The following JAKMIP2 variants were observed in gnomAD, a reference collection of about 807,000 sequenced individuals.
JAKMIP2 encodes the protein janus kinase and microtubule interacting protein 2, also known as janus kinase and microtubule-interacting protein 2.
JAKMIP2 carries 25 observed loss-of-function variants against 115.0 expected under a neutral mutation model. The ratio of observed to expected loss-of-function variants is 0.22; its 90% confidence interval spans 0.16 to 0.30. The LOEUF is 0.30. Among genes scored for constraint, JAKMIP2 ranks in the 10% least tolerant of loss-of-function variants. The pLI is 1.00. For missense variants in JAKMIP2, 642 were observed against 957.6 expected (o/e 0.67, Z 4.35); for synonymous variants, 334 against 343.6 (o/e 0.97, Z 0.31).
rs537032924 is a variant in JAKMIP2 at position 147,587,089 on chromosome 5, T to C, written c.*4618A>G. 6.6e-6 allele frequency: 1 copy of C among 152,284 alleles called. No individual in the cohort carries two copies. The highest frequency in any genetic ancestry group is 2.4e-5 in the African/African-American group (1 of 41,560). 9.4% of individuals were successfully genotyped at this position (152,284 alleles called of 1,614,324 possible). A position where few individuals can be genotyped will look rare whatever the true frequency, so the allele number is the denominator to read the frequency against. ...ATATGCCTGAAATTAGATCTCAAGA[T>C]ACTACATTATATAGAAATGACAAGG... On this transcript the variant is annotated 3_prime_UTR_variant, in exon 22 of 22. Coordinates refer to ENST00000616793, the MANE Select transcript of JAKMIP2 (RefSeq NM_001270941.2).
intron 21 of JAKMIP2, among the ~76,000 whole-genome samples, chr5:147,592,090 G>T (rs565689573): frequency 1.3e-5 from 2 of 152,242 alleles, no homozygotes; most frequent in East Asian, 3.9e-4. Context: ...AAATGTGCAG[G>T]TTGGTTACAT....
intron 1 of JAKMIP2, among the ~76,000 whole-genome samples, chr5:147,766,131 T>G (rs1354941091): frequency 6.6e-6 from 1 of 152,120 alleles, no homozygotes; most frequent in African/African-American, 2.4e-5. Context: ...CCCCATCTTT[T>G]CTCCTTCTCC....
chr5:147,772,783 A>C (rs918620205), intron 1 of JAKMIP2, among the ~76,000 whole-genome samples: 1 of 152,098 alleles, frequency 6.6e-6, no homozygotes, highest in African/African-American at 2.4e-5. Flanking sequence ...AGTTAAAAAA[A>C]TCGCTAATTG....
intron 1 of JAKMIP2, among the ~76,000 whole-genome samples, chr5:147,770,284 C>T (rs1295783114): frequency 1.3e-5 from 2 of 152,058 alleles, no homozygotes; most frequent in East Asian, 3.9e-4. Context: ...GTATATTTGA[C>T]TATCTACAGT....
At chr5:147,778,009 G>A (rs1253186839) in intron 1 of JAKMIP2, among the ~76,000 whole-genome samples, 1 of 152,114 alleles carries the variant, frequency 6.6e-6, no homozygotes, top group Non-Finnish European at 1.5e-5. Context: ...AGAATGTGTA[G>A]GTGGAGAGAT....
intron 1 of JAKMIP2, among the ~76,000 whole-genome samples, chr5:147,754,212 T>C (rs901712735): frequency 1.3e-5 from 2 of 152,182 alleles, no homozygotes; most frequent in South Asian, 4.1e-4. Context: ...CACAACAACC[T>C]CTAATTTGTA....
At chr5:147,720,720 C>T (rs540318711) in intron 1 of JAKMIP2, among the ~76,000 whole-genome samples, 1,755 of 149,788 alleles carry the variant, frequency 0.012, 51 homozygotes, top group African/African-American at 0.04. Flanking sequence ...AAGCACTTCT[C>T]TGTATTGGTT....
chr5:147,736,989 C>T (rs1432545494), intron 1 of JAKMIP2, among the ~76,000 whole-genome samples: 1 of 152,116 alleles, frequency 6.6e-6, no homozygotes, highest in Non-Finnish European at 1.5e-5. Context: ...GTAGGGCTGA[C>T]TATCTGATGT....
intron 1 of JAKMIP2, among the ~76,000 whole-genome samples, chr5:147,752,793 A>G (rs1056606579): frequency 6.6e-6 from 1 of 152,086 alleles, no homozygotes; most frequent in Admixed American, 6.6e-5. Flanking sequence ...AGGGAGATAG[A>G]GGAGAGGATT....
intron 21 of JAKMIP2, among the ~76,000 whole-genome samples, 170 bp from the exon 22 acceptor site, chr5:147,591,856 G>GA (rs1755107825): frequency 6.6e-6 from 1 of 152,080 alleles, no homozygotes; most frequent in African/African-American, 2.4e-5. Flanking sequence ...TTTTAAGGGA[G>GA]AAAATAGAAG....
chr5:147,618,336 T>C (rs1756685873), intron 18 of JAKMIP2, among the ~76,000 whole-genome samples: 2 of 151,392 alleles, frequency 1.3e-5, no homozygotes, highest in Non-Finnish European at 2.9e-5. Flanking sequence ...ACTTCTCTAG[T>C]GAGGGAACAT....
intron 1 of JAKMIP2, among the ~76,000 whole-genome samples, chr5:147,686,234 G>C (rs928423992): frequency 2.0e-5 from 3 of 151,086 alleles, no homozygotes; most frequent in African/African-American, 7.4e-5. Flanking sequence ...AACAAGGCCA[G>C]AACAAACTTC....
intron 3 of JAKMIP2, among the ~76,000 whole-genome samples, chr5:147,657,950 T>G (rs996482292): frequency 7.9e-5 from 12 of 152,114 alleles, no homozygotes; most frequent in African/African-American, 1.4e-4. Flanking sequence ...GGTTAGAACA[T>G]GCTCCTTTAG....
intron 1 of JAKMIP2, among the ~76,000 whole-genome samples, chr5:147,679,093 G>C (rs923482559): frequency 6.6e-6 from 1 of 151,828 alleles, no homozygotes; most frequent in Non-Finnish European, 1.5e-5. Flanking sequence ...TAATTCTCAC[G>C]CCTCAGCCTC....
At chr5:147,645,796 C>A (rs1453797267) in intron 5 of JAKMIP2, among the ~76,000 whole-genome samples, 1 of 152,112 alleles carries the variant, frequency 6.6e-6, no homozygotes. Context: ...GCCAGTAACA[C>A]TCTGCTAATT....
chr5:147,721,033 G>A (rs1486133496), intron 1 of JAKMIP2, among the ~76,000 whole-genome samples: 1 of 151,862 alleles, frequency 6.6e-6, no homozygotes, highest in Non-Finnish European at 1.5e-5. Context: ...TTTTGGTGTG[G>A]ATGTCCTTTC....
At chr5:147,678,410 G>A (rs1197539655) in intron 1 of JAKMIP2, among the ~76,000 whole-genome samples, 2 of 152,004 alleles carry the variant, frequency 1.3e-5, no homozygotes, top group African/African-American at 2.4e-5. Context: ...TTCTGTACTT[G>A]GCTTATTTTA....
At chr5:147,736,191 C>T (rs888850675) in intron 1 of JAKMIP2, among the ~76,000 whole-genome samples, 1 of 152,058 alleles carries the variant, frequency 6.6e-6, no homozygotes, top group Non-Finnish European at 1.5e-5. Context: ...CACAGTGGCT[C>T]ACACCTGTAA....
At chr5:147,674,738 T>C (rs1378316513) in intron 1 of JAKMIP2, among the ~76,000 whole-genome samples, 2 of 152,226 alleles carry the variant, frequency 1.3e-5, no homozygotes, top group Non-Finnish European at 2.9e-5. Context: ...AACTGAAAGA[T>C]TAGATAACTT....
Sources: allele counts gnomAD v4.1 joint callset (sites outside exome capture counted in the v4.1 genomes callset), GRCh38; gene constraint gnomAD v4.1.1; transcripts MANE v1.5; gene names NCBI Gene and HGNC (gene_info 2026-07-23, HGNC 2026-07-21).